The following DPYSL2 variants were observed in gnomAD, a reference collection of about 807,000 sequenced individuals.
DPYSL2 encodes the protein dihydropyrimidinase-related protein 2.
DPYSL2 carries 13 observed loss-of-function variants against 69.9 expected under a neutral mutation model. That is an observed-to-expected ratio of 0.19 (90% CI 0.12 to 0.30). DPYSL2 has a LOEUF of 0.30. Ranked by LOEUF, DPYSL2 falls within the 10% of genes least tolerant of loss-of-function variation. The pLI, the probability that DPYSL2 is intolerant of heterozygous loss-of-function variation, is 1.00. For synonymous variants in DPYSL2, 326 were observed against 359.1 expected (o/e 0.91, Z 1.04); for missense variants, 587 against 918.9 (o/e 0.64, Z 4.67).
At chr8:26,622,507 T>TGTA (rs71216767) in intron 3 of DPYSL2, among the ~76,000 whole-genome samples, 10 of 55,674 alleles carry the variant, frequency 1.8e-4, no homozygotes, top group Non-Finnish European at 3.2e-4. Context: ...TATATATATA[T>TGTA]TTTTTTTTTT....
chr8:26,610,277 A>G lies in DPYSL2; in HGVS notation c.629-13866A>G, dbSNP rs1009004510. 1.3e-5 allele frequency among the ~76,000 whole-genome samples: 2 copies of G among 152,180 alleles called. No individual in the cohort carries two copies. Among genetic ancestry groups the G allele is most frequent in the African/African-American group, 4.8e-5 (2 of 41,430 alleles). On this transcript the variant is annotated intron_variant, in intron 3 of 13. Coordinates refer to ENST00000521913, the MANE Select transcript of DPYSL2 (RefSeq NM_001197293.3). This position sits in a 1 kb window ranked among gnomAD's most constrained non-coding sequence, Gnocchi z 4.5. ...CATTTGATTTTTGATAGAATGAGAG[A>G]TGAATTGATTTGTTCCTGATACATT...
At chr8:26,544,653 T>TATAA (rs1472970999) in intron 1 of DPYSL2, among the ~76,000 whole-genome samples, 3 of 152,232 alleles carry the variant, frequency 2.0e-5, no homozygotes, top group Admixed American at 2.0e-4. Flanking sequence ...ATCTGATGGA[T>TATAA]ATAAGTACAT....
At chr8:26,635,899 A>G (rs1802903876) in intron 8 of DPYSL2, among the ~76,000 whole-genome samples, 1 of 151,862 alleles carries the variant, frequency 6.6e-6, no homozygotes, top group African/African-American at 2.4e-5. Context: ...CTTGGTTTCT[A>G]CTTCCCTGCA....
At chr8:26,636,580 G>T (rs1006721571) in intron 8 of DPYSL2, among the ~76,000 whole-genome samples, 1 of 152,156 alleles carries the variant, frequency 6.6e-6, no homozygotes, top group Non-Finnish European at 1.5e-5. Context: ...AGTTGGGGGA[G>T]GTGGAGTCGT....
At chr8:26,549,783 C>T (rs990580002) in intron 1 of DPYSL2, among the ~76,000 whole-genome samples, 1 of 152,134 alleles carries the variant, frequency 6.6e-6, no homozygotes, top group Non-Finnish European at 1.5e-5. Flanking sequence ...GCTGAAAGAA[C>T]AAAAACACCA....
chr8:26,547,508 G>A (rs13279683), intron 1 of DPYSL2, among the ~76,000 whole-genome samples: 53,376 of 152,130 alleles, frequency 0.35, 11,560 homozygotes, highest in East Asian at 0.67. Flanking sequence ...GACAGAACAA[G>A]CATCATAACC....
intron 1 of DPYSL2, among the ~76,000 whole-genome samples, chr8:26,578,749 G>A (rs1477306119): frequency 6.6e-6 from 1 of 152,192 alleles, no homozygotes; most frequent in African/African-American, 2.4e-5. Context: ...ACCCAAAAAG[G>A]GCTTTCTGGA....
chr8:26,626,725 T>G lies in DPYSL2; in HGVS notation c.855+47T>G. On this transcript the variant is annotated intron_variant, in intron 5 of 13. Transcript: ENST00000521913. This position sits in a 1 kb window ranked among gnomAD's most constrained non-coding sequence, Gnocchi z 4.3. ...AAGAGGCACCCTGACATTTGGTACCTTCAGGCTGTGGCCGTTTGGGAAAGC... is the reference window on the plus strand; with the variant it reads ...AAGAGGCACCCTGACATTTGGTACCGTCAGGCTGTGGCCGTTTGGGAAAGC... 6.3e-7 allele frequency: 1 copy of G among 1,592,100 alleles called. No individual in the cohort carries two copies. Among genetic ancestry groups the G allele is most frequent in the Non-Finnish European group, 8.6e-7 (1 of 1,160,936 alleles).
chr8:26,578,597 G>T, intron 1 of DPYSL2: 1 of 1,270,962 alleles, frequency 7.9e-7, no homozygotes, highest in Non-Finnish European at 9.9e-7. Flanking sequence ...TCGGCCCGCG[G>T]GGTGCAAGCA....
In DPYSL2 at chr8:26,543,822, G is replaced by T. The variant is rs116352900; in HGVS notation, c.354+29143G>T. Among the ~76,000 whole-genome samples the T allele has an allele frequency of 8.2e-3, 1,242 of 152,194 alleles. 19 individuals are homozygous for T. The highest frequency in any genetic ancestry group is 0.028 in the African/African-American group (1,159 of 41,550). ...CTTTTTATCATACATTGTTTGCTCAGGGTGTTCCTATTTAAAAGATACTTT... is the reference window on the plus strand; with the variant it reads ...CTTTTTATCATACATTGTTTGCTCATGGTGTTCCTATTTAAAAGATACTTT... On this transcript the variant is annotated intron_variant, in intron 1 of 13. Coordinates refer to ENST00000521913, the MANE Select transcript of DPYSL2 (RefSeq NM_001197293.3).
intron 1 of DPYSL2, among the ~76,000 whole-genome samples, chr8:26,521,094 C>G (rs1437690230): frequency 6.6e-6 from 1 of 152,102 alleles, no homozygotes; most frequent in Non-Finnish European, 1.5e-5. Flanking sequence ...GCAAATGAAA[C>G]TAATGAAAGA....
At chr8:26,549,718 C>T (rs767470346) in intron 1 of DPYSL2, among the ~76,000 whole-genome samples, 15 of 152,112 alleles carry the variant, frequency 9.9e-5, no homozygotes, top group Non-Finnish European at 1.5e-4. Flanking sequence ...AGTGTTATAC[C>T]GGATTTCTCT....
chr8:26,643,840 G>A lies in DPYSL2; in HGVS notation c.1284-110G>A, dbSNP rs768975377. 4.8e-5 allele frequency: 68 copies of A among 1,415,852 alleles called. No individual in the cohort carries two copies. The highest frequency in any genetic ancestry group is 1.9e-4 in the Middle Eastern group (1 of 5,132). 87.7% of individuals were successfully genotyped at this position (1,415,852 alleles called of 1,614,324 possible). ...AAGAAGGGAGAGGAGGCGTCAAAAG[G>A]ACTCCACTTGGGTTGGTGTGATGCC... On this transcript the variant is annotated intron_variant, in intron 9 of 13. Coordinates refer to ENST00000521913, the MANE Select transcript of DPYSL2 (RefSeq NM_001197293.3). This position sits in a 1 kb window ranked among gnomAD's most constrained non-coding sequence, Gnocchi z 6.5.
At position 26,609,456 on chromosome 8, in the gene DPYSL2, C is replaced by T. The variant is rs896358039; in HGVS notation, c.629-14687C>T. ...AGCAAGGAACCAACAGGAAGGAAAA[C>T]GAAGTCAAACCCAGTCTTTGCACGT... On this transcript the variant is annotated intron_variant, in intron 3 of 13. Coordinates refer to ENST00000521913, the MANE Select transcript of DPYSL2 (RefSeq NM_001197293.3). This position sits in a 1 kb window ranked among gnomAD's most constrained non-coding sequence, Gnocchi z 6.5. Among the ~76,000 whole-genome samples, 4 of 152,176 alleles carry T rather than the reference C, an allele frequency of 2.6e-5. No homozygotes were observed. The highest frequency in any genetic ancestry group is 2.1e-4 in the South Asian group (1 of 4,830).
At chr8:26,550,458 A>T (rs1203808145) in intron 1 of DPYSL2, among the ~76,000 whole-genome samples, 1 of 152,228 alleles carries the variant, frequency 6.6e-6, no homozygotes, top group Non-Finnish European at 1.5e-5. Flanking sequence ...AATCACTTAA[A>T]TCTTAATGGT....
rs759388658 is a variant in DPYSL2 at position 26,583,894 on chromosome 8, G to A, written c.539G>A (p.Arg180His). 4.3e-6 allele frequency: 7 copies of A among 1,614,130 alleles called. No individual in the cohort carries two copies. The highest frequency in any genetic ancestry group is 1.1e-5 in the South Asian group (1 of 91,072). Reference sequence around the variant, plus strand: ...CCCGGAGGAATTGACGTCCACACTCGTTTCCAGATGCCTGATCAGGGAATG... The same window carrying A: ...CCCGGAGGAATTGACGTCCACACTCATTTCCAGATGCCTGATCAGGGAATG... ...VIPGGIDVHT[R>H]FQMPDQGMTS... Residue 180 changes from arginine (R) to histidine (H), a missense_variant, in exon 3 of 14, where the codon CGT (arginine) becomes CAT (histidine). Physicochemically the swap from Arg to His is conservative, Grantham distance 29. Coordinates refer to ENST00000521913, the MANE Select transcript of DPYSL2 (RefSeq NM_001197293.3).
chr8:26,645,738 C>T (rs1304131370), intron 10 of DPYSL2, among the ~76,000 whole-genome samples: 1 of 152,052 alleles, frequency 6.6e-6, no homozygotes, highest in Admixed American at 6.5e-5. Flanking sequence ...TTAGTAGAGA[C>T]AGGGTTTCAC....
intron 1 of DPYSL2, among the ~76,000 whole-genome samples, chr8:26,544,615 C>T (rs1800736337): frequency 6.6e-6 from 1 of 152,188 alleles, no homozygotes; most frequent in Non-Finnish European, 1.5e-5. Context: ...TAGAATCCTC[C>T]ATTTCTTCCA....
In DPYSL2 at chr8:26,648,129, C is replaced by T. The variant is rs1331496603; in HGVS notation, c.1596+329C>T. Among the ~76,000 whole-genome samples the T allele has an allele frequency of 6.6e-6, 1 of 152,164 alleles. No individual in the cohort carries two copies. The highest frequency in any genetic ancestry group is 1.5e-5 in the Non-Finnish European group (1 of 68,044). ...TTTCATAGGTTGGCACAGCACTTCT[C>T]ATGGCAGTACTTGGTGCAAGGGACC... is the stretch of plus-strand genomic sequence containing the variant. On this transcript the variant is annotated intron_variant, in intron 11 of 13. Coordinates refer to ENST00000521913, the MANE Select transcript of DPYSL2 (RefSeq NM_001197293.3). This position sits in a 1 kb window ranked among gnomAD's most constrained non-coding sequence, Gnocchi z 4.3.
Sources: allele counts gnomAD v4.1 joint callset (sites outside exome capture counted in the v4.1 genomes callset), GRCh38; gene constraint gnomAD v4.1.1; non-coding constraint Gnocchi (gnomAD v3.1); transcripts MANE v1.5; gene names NCBI Gene and HGNC (gene_info 2026-07-23, HGNC 2026-07-21).